CSMD1: variants seen among roughly 807,000 people sequenced by gnomAD.
The protein encoded by CSMD1 is CUB and Sushi multiple domains 1.
In CSMD1, 213 loss-of-function variants were observed where a neutral mutation model predicts 417.5. That is an observed-to-expected ratio of 0.51 (90% confidence interval 0.46 to 0.57). CSMD1 has a LOEUF of 0.57. Ranked by LOEUF, CSMD1 falls within the 20% of genes least tolerant of loss-of-function variation. CSMD1 has a pLI of 0.00. For missense variants in CSMD1, 6,923 were observed against 4,529.7 expected (o/e 1.53, Z -15.17); for synonymous variants, 2,862 against 1,736.8 (o/e 1.65, Z -16.11).
chr8:3,593,687 C>T (rs1277858935), intron 8 of CSMD1, among the ~76,000 whole-genome samples: 1 of 152,214 alleles, frequency 6.6e-6, no homozygotes, highest in Non-Finnish European at 1.5e-5. Context: ...AATCACAGTA[C>T]AAATAAAACT....
intron 10 of CSMD1, among the ~76,000 whole-genome samples, chr8:3,494,922 C>T (rs141133914): frequency 1.3e-5 from 2 of 152,240 alleles, no homozygotes; most frequent in South Asian, 2.1e-4. Context: ...ACAGACTTCC[C>T]ACTAATACCC....
Position 2,936,223 on chromosome 8 carries a change from T to TTGTATGTA in CSMD1, c.*2354_*2361dup, listed in dbSNP as rs56986664. 6.6e-6 allele frequency: 1 copy of TTGTATGTA among 151,762 alleles called. No homozygotes were observed. The highest frequency in any genetic ancestry group is 1.5e-5 in the Non-Finnish European group (1 of 67,970). The allele number at this position is 151,762 out of a possible 1,614,324, so 9.4% of individuals were successfully genotyped here. ...CATATCTAATTTGATATGTGGTTTCTTGTATGTATGTATGTCCTGTCATTT... is the reference window on the plus strand; with the variant it reads ...CATATCTAATTTGATATGTGGTTTCTTGTATGTATGTATGTATGTATGTCCTGTCATTT... On this transcript the variant is annotated 3_prime_UTR_variant, in exon 70 of 70. Coordinates refer to ENST00000635120, the MANE Select transcript of CSMD1 (RefSeq NM_033225.6).
intron 1 of CSMD1, among the ~76,000 whole-genome samples, chr8:4,941,227 G>C (rs1196826889): frequency 6.6e-6 from 1 of 151,898 alleles, no homozygotes. Context: ...ACAAAACATT[G>C]TAACATTGTA....
In CSMD1 at chr8:3,644,966, G is replaced by GAAAAAAAAAAAAAAAAA. The variant is rs71203456; in HGVS notation, c.1010-28186_1010-28170dup. ...GTTACGGATCACTAAGGCTTTAAAT[G>GAAAAAAAAAAAAAAAAA]AAAAAAAAAAAAAAAAAAAAAAAAA... On this transcript the variant is annotated intron_variant, in intron 7 of 69. Coordinates refer to ENST00000635120, the MANE Select transcript of CSMD1 (RefSeq NM_033225.6). Among the ~76,000 whole-genome samples, 59 of 64,522 alleles carry GAAAAAAAAAAAAAAAAA rather than the reference G, an allele frequency of 9.1e-4. 2 individuals are homozygous for GAAAAAAAAAAAAAAAAA. The highest frequency in any genetic ancestry group is 4.5e-3 in the African/African-American group (56 of 12,500). 42.3% of individuals were successfully genotyped at this position (64,522 alleles called of 152,430 possible).
chr8:3,300,893 A>G (rs1804340101), intron 25 of CSMD1, among the ~76,000 whole-genome samples: 1 of 130,012 alleles, frequency 7.7e-6, no homozygotes, highest in African/African-American at 2.8e-5. Flanking sequence ...CAGGAGGCTG[A>G]GGTTGCAGTG....
At chr8:4,762,766 C>T (rs1486584674) in intron 1 of CSMD1, among the ~76,000 whole-genome samples, 2 of 152,130 alleles carry the variant, frequency 1.3e-5, no homozygotes, top group Non-Finnish European at 2.9e-5. Flanking sequence ...GCCTGAATCT[C>T]CTCTGAGCTC....
chr8:4,990,968 T>C (rs1253903260), intron 1 of CSMD1, among the ~76,000 whole-genome samples: 1 of 152,170 alleles, frequency 6.6e-6, no homozygotes, highest in African/African-American at 2.4e-5. Context: ...TTACTTACTT[T>C]AACGAATGTT....
chr8:3,960,028 G>A (rs996636794), intron 5 of CSMD1, among the ~76,000 whole-genome samples: 15 of 152,178 alleles, frequency 9.9e-5, no homozygotes, highest in Non-Finnish European at 1.9e-4. Flanking sequence ...GCCTTTGCAA[G>A]GAGCCTTCTG....
intron 1 of CSMD1, among the ~76,000 whole-genome samples, chr8:4,637,870 C>G (rs1046463415): frequency 3.3e-5 from 5 of 151,458 alleles, no homozygotes; most frequent in Non-Finnish European, 7.4e-5. Context: ...CGGGGTTTCA[C>G]CTTGTTAGCC....
At chr8:4,597,682 G>T (rs1336724020) in intron 2 of CSMD1, among the ~76,000 whole-genome samples, 2 of 152,086 alleles carry the variant, frequency 1.3e-5, no homozygotes, top group East Asian at 1.9e-4. Context: ...AATGTTAAAG[G>T]ATATTATTAA....
At chr8:3,348,743 C>G (rs1421288178) in intron 21 of CSMD1, among the ~76,000 whole-genome samples, 1 of 152,200 alleles carries the variant, frequency 6.6e-6, no homozygotes, top group Non-Finnish European at 1.5e-5. Flanking sequence ...GCTTCTCCCT[C>G]TTTCCCAATG....
At chr8:4,208,832 G>T (rs1297116271) in intron 3 of CSMD1, among the ~76,000 whole-genome samples, 1 of 152,184 alleles carries the variant, frequency 6.6e-6, no homozygotes, top group East Asian at 1.9e-4. Flanking sequence ...TTAATATCTG[G>T]TTGGAAAATT....
chr8:3,824,640 G>T (rs1303014272), intron 5 of CSMD1, among the ~76,000 whole-genome samples: 1 of 152,122 alleles, frequency 6.6e-6, no homozygotes, highest in Non-Finnish European at 1.5e-5. Flanking sequence ...CTGATTACAT[G>T]CTGAAATAGC....
intron 3 of CSMD1, among the ~76,000 whole-genome samples, chr8:4,415,398 G>A (rs942611974): frequency 2.6e-5 from 4 of 152,120 alleles, no homozygotes; most frequent in African/African-American, 9.7e-5. Flanking sequence ...TTCTATTCCG[G>A]GTTTGACACA....
intron 3 of CSMD1, among the ~76,000 whole-genome samples, chr8:4,403,459 G>A (rs79035519): frequency 6.6e-6 from 1 of 151,926 alleles, no homozygotes; most frequent in African/African-American, 2.4e-5. Flanking sequence ...TCCTTATCAG[G>A]GTCACCAATG....
chr8:3,053,979 G>T (rs1215395462), intron 49 of CSMD1, among the ~76,000 whole-genome samples: 2 of 152,280 alleles, frequency 1.3e-5, no homozygotes, highest in Middle Eastern at 3.4e-3. Flanking sequence ...AGCGGGAAGG[G>T]CTGGATGAAG....
intron 3 of CSMD1, among the ~76,000 whole-genome samples, chr8:4,281,574 T>A (rs1796787040): frequency 6.6e-6 from 1 of 152,224 alleles, no homozygotes; most frequent in African/African-American, 2.4e-5. Flanking sequence ...ACTGTTCTTT[T>A]TCTGTTTTTT....
At chr8:4,383,803 T>C (rs1324025475) in intron 3 of CSMD1, among the ~76,000 whole-genome samples, 1 of 152,122 alleles carries the variant, frequency 6.6e-6, no homozygotes, top group Admixed American at 6.6e-5. Flanking sequence ...GCTACATATA[T>C]AATACCAAAT....
intron 25 of CSMD1, among the ~76,000 whole-genome samples, chr8:3,288,750 G>C (rs1478906618): frequency 3.4e-5 from 5 of 146,566 alleles, no homozygotes; most frequent in African/African-American, 1.4e-4. Context: ...CAAAAAACCA[G>C]CTCCTGGATT....
Sources: gnomAD v4.1 joint callset for allele counts (sites outside exome capture counted in the v4.1 genomes callset) on GRCh38, gnomAD v4.1.1 for gene constraint, MANE v1.5 for transcripts, NCBI Gene and HGNC (gene_info 2026-07-23, HGNC 2026-07-21) for gene names.